MARCHF8: variants seen among roughly 807,000 people sequenced by gnomAD.
MARCHF8 encodes the protein membrane associated ring-CH-type finger 8.
A neutral mutation model predicts 51.6 loss-of-function variants in MARCHF8; 40 were observed. The ratio of observed to expected loss-of-function variants is 0.77; its 90% confidence interval spans 0.60 to 1.01. The LOEUF is 1.01. Ranked by LOEUF, MARCHF8 falls within the 50% of genes least tolerant of loss-of-function variation. The pLI is 0.00. For missense variants in MARCHF8, 685 were observed against 708.6 expected (o/e 0.97, Z 0.38); for synonymous variants, 263 against 280.3 (o/e 0.94, Z 0.62).
At chr10:45,483,205 C>A (rs1263241510) in intron 3 of MARCHF8, among the ~76,000 whole-genome samples, 1 of 152,188 alleles carries the variant, frequency 6.6e-6, no homozygotes, top group Admixed American at 6.5e-5. Context: ...GAAGACACAA[C>A]CTGTTGAATG....
intron 2 of MARCHF8, among the ~76,000 whole-genome samples, chr10:45,531,294 A>G (rs1178617243): frequency 6.6e-6 from 1 of 152,162 alleles, no homozygotes; most frequent in Non-Finnish European, 1.5e-5. Flanking sequence ...CAAATAAAAA[A>G]TATTTTTTAA....
chr10:45,561,698 A>G (rs1290250602), intron 1 of MARCHF8, among the ~76,000 whole-genome samples: 2 of 151,212 alleles, frequency 1.3e-5, no homozygotes, highest in African/African-American at 2.4e-5. Context: ...CAGGAGATCG[A>G]GACCATCCTG....
intron 2 of MARCHF8, among the ~76,000 whole-genome samples, chr10:45,511,403 CCACGGCCCACGGTCTCCCTCTCCCT>C (rs1180067828): frequency 6.6e-6 from 1 of 152,060 alleles, no homozygotes; most frequent in Non-Finnish European, 1.5e-5. Context: ...CTCCCTCTCC[CCACGGCCCACGGTCTCCCTCTCCCT>C]CTCTTTCCAC....
chr10:45,563,392 T>G (rs1321205330), intron 1 of MARCHF8, among the ~76,000 whole-genome samples: 1 of 152,166 alleles, frequency 6.6e-6, no homozygotes, highest in Non-Finnish European at 1.5e-5. Flanking sequence ...CAGGCTGTAG[T>G]ATACGCAAGG....
chr10:45,566,742 G>GT lies in MARCHF8; in HGVS notation c.-79+27492dup, dbSNP rs199741963. On this transcript the variant is annotated intron_variant, in intron 1 of 6. Coordinates refer to the MARCHF8 transcript ENST00000319836. The stretch of plus-strand genomic sequence containing the variant: ...TGCTGCAACAAAAACAGGAGTGCAG[G>GT]TATCTCTTTGATATATTGATTTCTT... 7.9e-3 allele frequency among the ~76,000 whole-genome samples: 855 copies of GT among 108,604 alleles called. 6 individuals are homozygous for GT. Among genetic ancestry groups the GT allele is most frequent in the Middle Eastern group, 0.019 (2 of 104 alleles). 71.2% of individuals were successfully genotyped at this position (108,604 alleles called of 152,430 possible). A position where few individuals can be genotyped will look rare whatever the true frequency, so the allele number is the denominator to read the frequency against.
chr10:45,462,298 C>G (rs986299289), intron 5 of MARCHF8: 7 of 152,196 alleles, frequency 4.6e-5, no homozygotes, highest in African/African-American at 1.7e-4. Context: ...TTATGGAGGC[C>G]AGACAAGGAT....
chr10:45,461,652 A>T lies in MARCHF8; in HGVS notation c.1089-241T>A, dbSNP rs930556692. 1.4e-5 allele frequency: 5 copies of T among 346,334 alleles called. No individual in the cohort carries two copies. The East Asian group carries it at 2.2e-4, about 15-fold the overall frequency. 21.5% of individuals were successfully genotyped at this position (346,334 alleles called of 1,614,324 possible). A position where few individuals can be genotyped will look rare whatever the true frequency, so the allele number is the denominator to read the frequency against. On this transcript the variant is annotated intron_variant, in intron 5 of 7. Coordinates refer to ENST00000453424, the MANE Select transcript of MARCHF8 (RefSeq NM_001282866.2). ...GCAACAGAAAGGAAAAAACGATGTA[A>T]GAAATGACAAAGCTGTCATTTTTTG...
chr10:45,459,802 A>G, intron 6 of MARCHF8: 2 of 985,464 alleles, frequency 2.0e-6, no homozygotes, highest in Non-Finnish European at 2.4e-6. Flanking sequence ...TCCTGGTACA[A>G]GCAGACTCTG....
intron 3 of MARCHF8, among the ~76,000 whole-genome samples, chr10:45,481,166 T>C (rs1402601310): frequency 6.6e-6 from 1 of 152,212 alleles, no homozygotes; most frequent in Non-Finnish European, 1.5e-5. Flanking sequence ...TTTTGGCCAG[T>C]TTCTCCCATT....
intron 1 of MARCHF8, among the ~76,000 whole-genome samples, chr10:45,581,667 C>T (rs1032520504): frequency 6.6e-6 from 1 of 152,140 alleles, no homozygotes; most frequent in African/African-American, 2.4e-5. Context: ...CTCCAGAAAA[C>T]TTGGCAACAC....
At chr10:45,467,729 T>C (rs935423059) in intron 3 of MARCHF8, among the ~76,000 whole-genome samples, 1 of 151,752 alleles carries the variant, frequency 6.6e-6, no homozygotes, top group African/African-American at 2.4e-5. Flanking sequence ...CTGCTCTTTC[T>C]GAAAGCAGCA....
intron 3 of MARCHF8, 77 bp from the exon 4 acceptor site, chr10:45,464,404 G>A: frequency 8.2e-7 from 1 of 1,218,080 alleles, no homozygotes; most frequent in Non-Finnish European, 1.2e-6. Context: ...AATGGTGACA[G>A]GGAGAAACCC....
chr10:45,549,914 G>A (rs2044174922), intron 1 of MARCHF8, among the ~76,000 whole-genome samples: 1 of 152,158 alleles, frequency 6.6e-6, no homozygotes, highest in Admixed American at 6.5e-5. Flanking sequence ...CTGCAGAACT[G>A]TAAGAACTAA....
intron 2 of MARCHF8, among the ~76,000 whole-genome samples, chr10:45,489,959 C>A (rs531559570): frequency 5.9e-5 from 9 of 152,352 alleles, no homozygotes; most frequent in South Asian, 4.1e-4. Context: ...CCTCCTGGAG[C>A]AGGGAAATCT....
rs189495107 is a variant in MARCHF8, at chr10:45,473,553, T to G, written c.154-9226A>C. Among the ~76,000 whole-genome samples, 533 of 152,290 alleles carry G rather than the reference T, an allele frequency of 3.5e-3. 6 individuals are homozygous for G. Among genetic ancestry groups the G allele is most frequent in the Non-Finnish European group, 5.9e-3 (399 of 68,026 alleles). On this transcript the variant is annotated intron_variant, in intron 3 of 7. Coordinates refer to ENST00000453424, the MANE Select transcript of MARCHF8 (RefSeq NM_001282866.2). ...AGGCTTCCCTGGGGATAAAATAACA[T>G]TGTGTCTATGTACTGCCCTTTTTGC...
At chr10:45,471,198 G>A (rs1352071466) in intron 3 of MARCHF8, among the ~76,000 whole-genome samples, 1 of 152,164 alleles carries the variant, frequency 6.6e-6, no homozygotes, top group Non-Finnish European at 1.5e-5. Flanking sequence ...GCACTAACAT[G>A]GAATTCTTTT....
chr10:45,546,415 G>C (rs2044123473), intron 1 of MARCHF8, among the ~76,000 whole-genome samples: 1 of 152,126 alleles, frequency 6.6e-6, no homozygotes, highest in South Asian at 2.1e-4. Flanking sequence ...CGCCCGCCTT[G>C]GCCTTCCAAA....
chr10:45,549,242 T>C (rs1217765514), intron 1 of MARCHF8, among the ~76,000 whole-genome samples: 1 of 152,194 alleles, frequency 6.6e-6, no homozygotes, highest in Non-Finnish European at 1.5e-5. Context: ...AGAATTGCAG[T>C]CATGGATTCC....
In MARCHF8 at chr10:45,458,224, A is replaced by T; in HGVS notation, c.*15T>A. The stretch of plus-strand genomic sequence containing the variant: ...CTCTTCATGGATGTCCAGGAAAATG[A>T]CAACCCGCACACAATCAGACGTGAA... On this transcript the variant is annotated 3_prime_UTR_variant, in exon 8 of 8. Transcript: ENST00000453424. The T allele has an allele frequency of 2.5e-6, 4 of 1,588,910 alleles. No individual in the cohort carries two copies. The South Asian group carries it at 4.6e-5, about 18-fold the overall frequency.
Sources: gnomAD v4.1 joint callset for allele counts (sites outside exome capture counted in the v4.1 genomes callset) on GRCh38, gnomAD v4.1.1 for gene constraint, MANE v1.5 for transcripts, NCBI Gene and HGNC (gene_info 2026-07-23, HGNC 2026-07-21) for gene names.